The following CELSR1 variants were observed in gnomAD, a reference collection of about 807,000 sequenced individuals.
CELSR1 encodes adhesion G protein-coupled receptor C1.
In CELSR1, 110 loss-of-function variants were observed where a neutral mutation model predicts 249.1. The observed-to-expected ratio is 0.44, with a 90% CI of 0.38 to 0.52. The LOEUF (loss-of-function observed/expected upper bound fraction) is 0.52. Among genes scored for constraint, CELSR1 ranks in the 20% least tolerant of loss-of-function variants. The pLI is 0.00. For missense variants in CELSR1, 4,109 were observed against 4,296.4 expected (o/e 0.96, Z 1.22); for synonymous variants, 2,113 against 1,900.0 (o/e 1.11, Z -2.92).
chr22:46,528,660 G>A (rs2080762079), intron 1 of CELSR1, among the ~76,000 whole-genome samples: 1 of 152,234 alleles, frequency 6.6e-6, no homozygotes, highest in African/African-American at 2.4e-5. Context: ...CAGACGCGGT[G>A]GCTCACGCCT....
rs1380627964 is a variant in CELSR1, at chr22:46,401,470, C to T, written c.5227-1568G>A. On this transcript the variant is annotated intron_variant, in intron 9 of 34. Coordinates refer to ENST00000674500, the MANE Select transcript of CELSR1 (RefSeq NM_001378328.1). This position sits in a 1 kb window ranked among gnomAD's most constrained non-coding sequence, Gnocchi z 4.7. ...AGACAGAATCTGCAAAACAGCGTGG[C>T]GTGTGCTTCCCTGCAAGGCCGTCAG... is the stretch of plus-strand genomic sequence containing the variant. Among the ~76,000 whole-genome samples, 1 of 152,170 alleles carries T rather than the reference C, an allele frequency of 6.6e-6. No individual in the cohort carries two copies. Among genetic ancestry groups the T allele is most frequent in the Non-Finnish European group, 1.5e-5 (1 of 68,038 alleles).
At chr22:46,442,699 C>A (rs561066002) in intron 2 of CELSR1, among the ~76,000 whole-genome samples, 153 of 152,356 alleles carry the variant, frequency 1.0e-3, no homozygotes, top group Non-Finnish European at 1.6e-3. Flanking sequence ...ATCAGCATAA[C>A]AATCATCAGA....
chr22:46,535,921 C>A lies in CELSR1; in HGVS notation c.1250G>T (p.Arg417Leu). The change falls in exon 1 of 35, where the codon CGG becomes CTG. Residue 417 changes from arginine to leucine, a missense_variant. This residue lies in a region of CELSR1 where 673 missense variants were observed against 636.8 expected (regional missense o/e 1.06). Coordinates refer to ENST00000674500, the MANE Select transcript of CELSR1 (RefSeq NM_001378328.1). ...GAGCTGGTACTCGGCCGCCTCCTCC[C>A]GGTCCAGCACCGCCCGTGTGCTCAC... ...GVVSTRAVLD[R>L]EEAAEYQLLV... 6.2e-7 allele frequency: 1 copy of A among 1,609,196 alleles called. No homozygotes were observed. The highest frequency in any genetic ancestry group is 2.2e-5 in the East Asian group (1 of 44,832).
rs2080646274 is a variant in CELSR1 at position 46,518,001 on chromosome 22, C to G, written c.3544+15626G>C. Reference sequence around the variant, plus strand: ...CACTGCAACCTCTGCCTCCTGCGTTCAAGTGATTCTCCTGCCTCAGCCTCC... The same window carrying G: ...CACTGCAACCTCTGCCTCCTGCGTTGAAGTGATTCTCCTGCCTCAGCCTCC... On this transcript the variant is annotated intron_variant, in intron 1 of 34. Coordinates refer to ENST00000674500, the MANE Select transcript of CELSR1 (RefSeq NM_001378328.1). The surrounding 1 kb of genome is among the most constrained non-coding windows in gnomAD (Gnocchi z 5.2). Among the ~76,000 whole-genome samples, 1 of 151,434 alleles carries G rather than the reference C, an allele frequency of 6.6e-6. No individual in the cohort carries two copies. Among genetic ancestry groups the G allele is most frequent in the African/African-American group, 2.4e-5 (1 of 41,162 alleles).
Position 46,406,529 on chromosome 22 carries a change from C to G in CELSR1, c.5226+2467G>C, listed in dbSNP as rs766577318. On this transcript the variant is annotated intron_variant, in intron 9 of 34. Transcript: ENST00000674500. The surrounding 1 kb of genome is among the most constrained non-coding windows in gnomAD (Gnocchi z 5.4). ...CTGACCTCCACCAGCCTGCTGGGAG[C>G]ACTCTCGGTCCTGCCCCCGCCACAC... 6.6e-5 allele frequency among the ~76,000 whole-genome samples: 10 copies of G among 152,192 alleles called. No individual in the cohort carries two copies. The highest frequency in any genetic ancestry group is 1.3e-4 in the Non-Finnish European group (9 of 68,032).
At position 46,535,363 on chromosome 22, in the gene CELSR1, C is replaced by A; in HGVS notation, c.1808G>T (p.Arg603Leu). The change falls in exon 1 of 35, where the codon CGC becomes CTC. Residue 603 changes from arginine to leucine, a missense_variant. Around this residue, in one of 7 missense-constraint regions of CELSR1, gnomAD observed 886 missense variants for 896.5 expected, o/e 0.99. Coordinates refer to ENST00000674500, the MANE Select transcript of CELSR1 (RefSeq NM_001378328.1). ...AAAGGTGGAGGCCGTGTCCACCAGG[C>A]GATAGTGCAGCCGGGCGTTCTCTCC... ...DSGENARLHY[R>L]LVDTASTFLG... is the part of the protein sequence containing the mutation. 2 of 1,612,154 alleles carry A rather than the reference C, an allele frequency of 1.2e-6. No homozygotes were observed. Among genetic ancestry groups the A allele is most frequent in the Non-Finnish European group, 8.5e-7 (1 of 1,179,760 alleles).
intron 1 of CELSR1, among the ~76,000 whole-genome samples, chr22:46,508,567 G>A (rs1232147397): frequency 6.6e-6 from 1 of 151,740 alleles, no homozygotes; most frequent in Non-Finnish European, 1.5e-5. Flanking sequence ...CCAAATTCCA[G>A]CTGTCCCTCA....
At chr22:46,365,762 G>A in intron 30 of CELSR1, 73 bp from the exon 31 acceptor site, 2 of 1,151,470 alleles carry the variant, frequency 1.7e-6, no homozygotes, top group Non-Finnish European at 2.5e-6. Flanking sequence ...TTCTCTGGAA[G>A]ATTCTCTGCC....
At position 46,391,701 on chromosome 22, in the gene CELSR1, C is replaced by T; in HGVS notation, c.6080G>A (p.Gly2027Asp). The T allele has an allele frequency of 1.9e-6, 3 of 1,610,724 alleles. No individual in the cohort carries two copies. The highest frequency in any genetic ancestry group is 2.5e-6 in the Non-Finnish European group (3 of 1,179,622). ...GCGGTTGCACTGGCGGCCGATGACG[C>T]CGGGCTTGCAGGCACACTGCCCGGT... ...MATGQCACKPGVIGRQCNRCD... is the reference protein window; with the variant it reads ...MATGQCACKPDVIGRQCNRCD... Residue 2027 changes from glycine to aspartate, a missense_variant, in exon 15 of 35, where the codon GGC becomes GAC. Physicochemically the swap from Gly to Asp is moderately conservative, Grantham distance 94. This residue lies in a region of CELSR1 where 1,805 missense variants were observed against 1,831.6 expected (regional missense o/e 0.99). Transcript: ENST00000674500. The surrounding 1 kb of genome is among the most constrained non-coding windows in gnomAD (Gnocchi z 4.3).
rs1473442055 is a variant in CELSR1 at position 46,536,998 on chromosome 22, G to A, written c.173C>T (p.Pro58Leu). Reference sequence around the variant, plus strand: ...GTCCAGCAGCTCCCGCGGCGCCCGGGGCGTGCAAGCGGCGCCCACCGCGTA... The same window carrying A: ...GTCCAGCAGCTCCCGCGGCGCCCGGAGCGTGCAAGCGGCGCCCACCGCGTA... ...CTYAVGAACTPRAPRELLDVG... is the reference protein window; with the variant it reads ...CTYAVGAACTLRAPRELLDVG... The change falls in exon 1 of 35, where the codon CCC becomes CTC. Residue 58 changes from proline (P) to leucine (L), a missense_variant. Physicochemically the swap from Pro to Leu is moderately conservative, Grantham distance 98. Around this residue, in one of 7 missense-constraint regions of CELSR1, gnomAD observed 673 missense variants for 636.8 expected, o/e 1.06. Coordinates refer to ENST00000674500, the MANE Select transcript of CELSR1 (RefSeq NM_001378328.1). The A allele has an allele frequency of 3.6e-6, 4 of 1,116,250 alleles. No individual in the cohort carries two copies. In the East Asian group the frequency reaches 2.2e-4, roughly 61 times the overall value. The allele number at this position is 1,116,250 out of a possible 1,614,324, so 69.1% of individuals were successfully genotyped here. A position where few individuals can be genotyped will look rare whatever the true frequency, so the allele number is the denominator to read the frequency against.
chr22:46,409,911 A>T lies in CELSR1; in HGVS notation c.4934-31T>A, dbSNP rs1165752893. ...AACACAGAGCGTGCGGCAGAGCCTGACTCGGAGGAACCGCCCGGGGTCCCC... is the reference window on the plus strand; with the variant it reads ...AACACAGAGCGTGCGGCAGAGCCTGTCTCGGAGGAACCGCCCGGGGTCCCC... On this transcript the variant is annotated intron_variant, in intron 7 of 34. Coordinates refer to ENST00000674500, the MANE Select transcript of CELSR1 (RefSeq NM_001378328.1). This position sits in a 1 kb window ranked among gnomAD's most constrained non-coding sequence, Gnocchi z 9.8. 15 of 1,606,946 alleles carry T rather than the reference A, an allele frequency of 9.3e-6. No homozygotes were observed. The highest frequency in any genetic ancestry group is 1.3e-5 in the Non-Finnish European group (15 of 1,179,308).
Position 46,441,454 on chromosome 22 carries a change from C to T in CELSR1, c.4184-2043G>A, listed in dbSNP as rs942612247. ...AACAGACAGAATGAAAACACACTTA[C>T]GACGCCTCAGTCTGCTTGGGCTGCC... On this transcript the variant is annotated intron_variant, in intron 2 of 34. Coordinates refer to ENST00000674500, the MANE Select transcript of CELSR1 (RefSeq NM_001378328.1). This position sits in a 1 kb window ranked among gnomAD's most constrained non-coding sequence, Gnocchi z 6.1. 2.6e-5 allele frequency among the ~76,000 whole-genome samples: 4 copies of T among 152,092 alleles called. No homozygotes were observed. The highest frequency in any genetic ancestry group is 6.6e-5 in the Admixed American group (1 of 15,254).
chr22:46,505,945 G>A (rs934462117), intron 1 of CELSR1, among the ~76,000 whole-genome samples: 1 of 152,116 alleles, frequency 6.6e-6, no homozygotes. Flanking sequence ...TTGGGAGGCC[G>A]AGGCAGGTGG....
At position 46,420,339 on chromosome 22, in the gene CELSR1, C is replaced by T. The variant is rs897407611; in HGVS notation, c.4612-8580G>A. 9.2e-5 allele frequency among the ~76,000 whole-genome samples: 14 copies of T among 151,840 alleles called. No homozygotes were observed. In the East Asian group the frequency reaches 2.7e-3, roughly 30 times the overall value. ...GTATGCACTCACCCACTCGTGCACT[C>T]ATGTGCACATTTACCCACATGTGCA... On this transcript the variant is annotated intron_variant, in intron 5 of 34. Transcript: ENST00000674500.
At chr22:46,368,143 G>A (rs1452335579) in intron 27 of CELSR1, among the ~76,000 whole-genome samples, 1 of 152,318 alleles carries the variant, frequency 6.6e-6, no homozygotes, top group Non-Finnish European at 1.5e-5. Context: ...CAAGGGGCCT[G>A]AGCCATGCCC....
chr22:46,431,308 C>T lies in CELSR1; in HGVS notation c.4611+2085G>A, dbSNP rs575748880. Among the ~76,000 whole-genome samples, 4 of 152,340 alleles carry T rather than the reference C, an allele frequency of 2.6e-5. No homozygotes were observed. In the South Asian group the frequency reaches 8.3e-4, roughly 32 times the overall value. On this transcript the variant is annotated intron_variant, in intron 5 of 34. Coordinates refer to ENST00000674500, the MANE Select transcript of CELSR1 (RefSeq NM_001378328.1). ...GTGTGGACAGAGGTGGCCACAGTGG[C>T]GTCCTGGCTGCGAGTCCCTCTGCAA...
rs144895360 is a variant in CELSR1 at position 46,446,613 on chromosome 22, TG to T, written c.4184-7203del. On this transcript the variant is annotated intron_variant, in intron 2 of 34. Transcript: ENST00000674500. The surrounding 1 kb of genome is among the most constrained non-coding windows in gnomAD (Gnocchi z 5.5). ...GGCAGGGAGGGTCGCAGGGGGTCGGTGGGGGGGAAAGCTGGGTCCATAGCAG... is the reference window on the plus strand; with the variant it reads ...GGCAGGGAGGGTCGCAGGGGGTCGGTGGGGGGAAAGCTGGGTCCATAGCAG... 0.013 allele frequency among the ~76,000 whole-genome samples: 2,019 copies of T among 150,566 alleles called. 49 individuals carry two copies. The highest frequency in any genetic ancestry group is 0.047 in the African/African-American group (1,906 of 40,928).
chr22:46,372,664 A>T (rs1350574579), intron 25 of CELSR1, among the ~76,000 whole-genome samples: 1 of 152,064 alleles, frequency 6.6e-6, no homozygotes, highest in Non-Finnish European at 1.5e-5. Flanking sequence ...ACCTGGACCC[A>T]GCTCTCAATG....
At chr22:46,470,055 G>C (rs919567895) in intron 1 of CELSR1, among the ~76,000 whole-genome samples, 15 of 146,266 alleles carry the variant, frequency 1.0e-4, no homozygotes, top group African/African-American at 3.6e-4. Flanking sequence ...CATCAACATT[G>C]ACACAAACAG....
Sources: gnomAD v4.1 joint callset for allele counts (sites outside exome capture counted in the v4.1 genomes callset) on GRCh38, gnomAD v4.1.1 for gene constraint, gnomAD v4.1.1 regional missense constraint, Gnocchi (gnomAD v3.1) non-coding constraint, MANE v1.5 for transcripts, NCBI Gene and HGNC (gene_info 2026-07-23, HGNC 2026-07-21) for gene names.